GUCY1A1: variants seen among roughly 807,000 people sequenced by gnomAD.
GUCY1A1 encodes the protein guanylate cyclase soluble subunit alpha-1.
Under a neutral mutation model 64.5 loss-of-function variants are expected in GUCY1A1, and 48 were observed. That is an observed-to-expected ratio of 0.74 (90% CI 0.59 to 0.95). The LOEUF (loss-of-function observed/expected upper bound fraction) is 0.95, where lower values mean the gene tolerates loss of function less well. Among genes scored for constraint, GUCY1A1 ranks in the 40% least tolerant of loss-of-function variants. The pLI is 0.00. For synonymous variants in GUCY1A1, 308 were observed against 303.4 expected, an observed-to-expected ratio of 1.02 and a Z score of -0.16; for missense variants, 804 against 825.3, an observed-to-expected ratio of 0.97 and a Z score of 0.32.
chr4:155,695,061 C>T (rs1730240766), intron 2 of GUCY1A1, among the ~76,000 whole-genome samples: 1 of 152,160 alleles, frequency 6.6e-6, no homozygotes. Flanking sequence ...TTTCTTTTGT[C>T]CCTTCTTGAA....
rs1731460955 is a variant in GUCY1A1 at position 155,704,305 on chromosome 4, T to C, written c.317+312T>C. Among the ~76,000 whole-genome samples, 3 of 152,334 alleles carry C rather than the reference T, an allele frequency of 2.0e-5. No individual in the cohort carries two copies. The South Asian group carries it at 6.2e-4, about 32-fold the overall frequency. On this transcript the variant is annotated intron_variant, in intron 4 of 9. Coordinates refer to ENST00000506455, the MANE Select transcript of GUCY1A1 (RefSeq NM_001130682.3). Reference sequence around the variant, plus strand: ...AGCATGTAGTTATAAACTGCTGCTTTAACAAGCTCCTGTAAGGCCGATTCT... The same window carrying C: ...AGCATGTAGTTATAAACTGCTGCTTCAACAAGCTCCTGTAAGGCCGATTCT...
chr4:155,686,335 G>A (rs1304652041), intron 2 of GUCY1A1, among the ~76,000 whole-genome samples: 1 of 152,044 alleles, frequency 6.6e-6, no homozygotes, highest in African/African-American at 2.4e-5. Flanking sequence ...AAAAAAATTA[G>A]CCGGGCGTGG....
At chr4:155,685,495 T>G (rs1204108249) in intron 2 of GUCY1A1, among the ~76,000 whole-genome samples, 1 of 152,114 alleles carries the variant, frequency 6.6e-6, no homozygotes, top group Non-Finnish European at 1.5e-5. Context: ...GGTGTTCTCC[T>G]GCATGACAGC....
chr4:155,695,779 T>C (rs570599412), intron 2 of GUCY1A1, among the ~76,000 whole-genome samples: 82 of 152,324 alleles, frequency 5.4e-4, no homozygotes, highest in Middle Eastern at 3.4e-3. Context: ...TTAGTACATG[T>C]GGGGATTAGC....
intron 8 of GUCY1A1, among the ~76,000 whole-genome samples, chr4:155,720,056 A>G (rs1560962460): frequency 6.6e-6 from 1 of 152,158 alleles, no homozygotes. Flanking sequence ...GGGTTGAGAG[A>G]TTCAAAACTG....
chr4:155,719,140 T>C (rs970432299), intron 8 of GUCY1A1, among the ~76,000 whole-genome samples: 8 of 152,140 alleles, frequency 5.3e-5, no homozygotes, highest in Non-Finnish European at 1.0e-4. Flanking sequence ...AGAAATGTAT[T>C]TTTAGATTTT....
At chr4:155,728,263 C>A (rs1367642892) in intron 9 of GUCY1A1, among the ~76,000 whole-genome samples, 2 of 151,844 alleles carry the variant, frequency 1.3e-5, no homozygotes, top group South Asian at 2.1e-4. Context: ...ATGATTCCAG[C>A]ATTTGCCAAT....
At chr4:155,681,563 A>G (rs1018947612) in intron 2 of GUCY1A1, among the ~76,000 whole-genome samples, 2 of 152,158 alleles carry the variant, frequency 1.3e-5, no homozygotes, top group African/African-American at 4.8e-5. Context: ...AAATCAAATG[A>G]TATTTTCTCA....
intron 9 of GUCY1A1, among the ~76,000 whole-genome samples, chr4:155,726,815 G>C (rs1172274742): frequency 6.6e-6 from 1 of 151,974 alleles, no homozygotes; most frequent in Non-Finnish European, 1.5e-5. Context: ...AAAACTAATA[G>C]AGACTAGTAG....
chr4:155,705,561 T>C (rs1171855691), intron 4 of GUCY1A1, among the ~76,000 whole-genome samples: 2 of 142,322 alleles, frequency 1.4e-5, no homozygotes, highest in Non-Finnish European at 3.1e-5. Flanking sequence ...AAAAAAAAAG[T>C]AATAGGCCCC....
In GUCY1A1 at chr4:155,713,423, T is replaced by A; in HGVS notation, c.1412T>A (p.Val471Asp). 6.2e-7 allele frequency: 1 copy of A among 1,614,142 alleles called. No homozygotes were observed. The highest frequency in any genetic ancestry group is 1.7e-5 in the Admixed American group (1 of 60,002). Residue 471 changes from valine to aspartate, a missense_variant, in exon 7 of 10, where the codon GTT becomes GAT. By Grantham distance (152) the Val-to-Asp change is radical. Coordinates refer to ENST00000506455, the MANE Select transcript of GUCY1A1 (RefSeq NM_001130682.3). Reference sequence around the variant, plus strand: ...GCTCAGCAGCTGTGGCAAGGGCAAGTTGTGCAAGCCAAGAAGTTCAGTAAT... The same window carrying A: ...GCTCAGCAGCTGTGGCAAGGGCAAGATGTGCAAGCCAAGAAGTTCAGTAAT... ...EVAQQLWQGQVVQAKKFSNVT... is the reference protein window; with the variant it reads ...EVAQQLWQGQDVQAKKFSNVT...
At position 155,695,008 on chromosome 4, in the gene GUCY1A1, C is replaced by T. The variant is rs558704097; in HGVS notation, c.-112-1748C>T. On this transcript the variant is annotated intron_variant, in intron 2 of 9. Coordinates refer to ENST00000506455, the MANE Select transcript of GUCY1A1 (RefSeq NM_001130682.3). Reference sequence around the variant, plus strand: ...TCTATTGAGGTAGACCGCTTCCATTCTGTTCTGGCAGAACAAATTTTCTAC... The same window carrying T: ...TCTATTGAGGTAGACCGCTTCCATTTTGTTCTGGCAGAACAAATTTTCTAC... Among the ~76,000 whole-genome samples the T allele has an allele frequency of 1.5e-4, 23 of 152,312 alleles. No homozygotes were observed. The East Asian group carries it at 4.4e-3, about 29-fold the overall frequency.
intron 2 of GUCY1A1, among the ~76,000 whole-genome samples, chr4:155,677,572 C>T (rs563118576): frequency 8.5e-5 from 13 of 152,154 alleles, no homozygotes; most frequent in Non-Finnish European, 1.8e-4. Context: ...AAAATCAGGC[C>T]GGGCACCGTG....
At chr4:155,697,696 C>G (rs1024796803) in intron 3 of GUCY1A1, among the ~76,000 whole-genome samples, 1 of 152,152 alleles carries the variant, frequency 6.6e-6, no homozygotes, top group Non-Finnish European at 1.5e-5. Flanking sequence ...TCCCTTGGGT[C>G]GGAGTCATGA....
chr4:155,684,773 G>A (rs1482246611), intron 2 of GUCY1A1, among the ~76,000 whole-genome samples: 1 of 152,122 alleles, frequency 6.6e-6, no homozygotes, highest in Non-Finnish European at 1.5e-5. Context: ...CTTCTCTGAT[G>A]CCTAAAACTA....
chr4:155,713,647 C>T (rs1732878132), intron 7 of GUCY1A1, 64 bp downstream of exon 7: 13 of 1,545,756 alleles, frequency 8.4e-6, no homozygotes, highest in African/African-American at 1.4e-5. Context: ...AGCACTGTGC[C>T]TAGGACCTGA....
chr4:155,679,186 G>GGTTT (rs1553993877), intron 2 of GUCY1A1, among the ~76,000 whole-genome samples: 1 of 68,592 alleles, frequency 1.5e-5, no homozygotes. Flanking sequence ...AATATTTCAT[G>GGTTT]TTTTTTTTTT....
In GUCY1A1 at chr4:155,730,404, A is replaced by AC; in HGVS notation, c.*174dup. The AC allele has an allele frequency of 2.2e-6, 1 of 444,812 alleles. No homozygotes were observed. The highest frequency in any genetic ancestry group is 4.0e-6 in the Non-Finnish European group (1 of 252,768). The allele number at this position is 444,812 out of a possible 1,614,324, so 27.6% of individuals were successfully genotyped here. A position where few individuals can be genotyped will look rare whatever the true frequency, so the allele number is the denominator to read the frequency against. On this transcript the variant is annotated 3_prime_UTR_variant, in exon 10 of 10. Coordinates refer to ENST00000506455, the MANE Select transcript of GUCY1A1 (RefSeq NM_001130682.3). ...ACAAAATGTATGTACTCACTTCAGT[A>AC]CTTCAGCTCTTCAAGAAAAAAAAAA...
intron 2 of GUCY1A1, among the ~76,000 whole-genome samples, chr4:155,669,359 G>T (rs1381014930): frequency 6.6e-6 from 1 of 151,846 alleles, no homozygotes; most frequent in African/African-American, 2.4e-5. Context: ...CTTATGCTTG[G>T]TATAGTGTCT....
Sources: gnomAD v4.1 joint callset for allele counts (sites outside exome capture counted in the v4.1 genomes callset) on GRCh38, gnomAD v4.1.1 for gene constraint, MANE v1.5 for transcripts, NCBI Gene and HGNC (gene_info 2026-07-23, HGNC 2026-07-21) for gene names.